SUPT3H: variants seen among roughly 807,000 people sequenced by gnomAD.
SUPT3H encodes the protein transcription initiation protein SPT3 homolog.
A neutral mutation model predicts 44.3 loss-of-function variants in SUPT3H; 44 were observed. The observed-to-expected ratio is 0.99, with a 90% confidence interval of 0.78 to 1.28. The LOEUF (loss-of-function observed/expected upper bound fraction) is 1.28, where lower values mean the gene tolerates loss of function less well. Among genes scored for constraint, SUPT3H ranks in the 50% most tolerant of loss-of-function variants. SUPT3H has a pLI of 0.00. For missense variants in SUPT3H, 380 were observed against 387.1 expected (o/e 0.98, Z 0.15); for synonymous variants, 124 against 125.6 (o/e 0.99, Z 0.09).
intron 10 of SUPT3H, among the ~76,000 whole-genome samples, chr6:44,870,428 C>T (rs544269197): frequency 6.6e-6 from 1 of 151,998 alleles, no homozygotes; most frequent in South Asian, 2.1e-4. Flanking sequence ...GAAACTCCAT[C>T]TCTACGAAAA....
chr6:45,104,809 T>C (rs1161427094), intron 3 of SUPT3H, among the ~76,000 whole-genome samples: 1 of 152,016 alleles, frequency 6.6e-6, no homozygotes, highest in Non-Finnish European at 1.5e-5. Context: ...GATATCCCCA[T>C]TCATAGAATG....
rs554676111 is a variant in SUPT3H, at chr6:45,176,985, A to G, written c.102-70979T>C. 2.6e-5 allele frequency among the ~76,000 whole-genome samples: 4 copies of G among 152,302 alleles called. No individual in the cohort carries two copies. In the East Asian group the frequency reaches 7.7e-4, roughly 29 times the overall value. The stretch of plus-strand genomic sequence containing the variant: ...AGATGGGGAAAAAACAGAGCAGAAA[A>G]ACTGGAAACTCTAAAAAACAGAGTG... On this transcript the variant is annotated intron_variant, in intron 2 of 10. Coordinates refer to ENST00000371459, the MANE Select transcript of SUPT3H (RefSeq NM_003599.4).
At chr6:45,283,093 C>T (rs575957099) in intron 2 of SUPT3H, among the ~76,000 whole-genome samples, 1 of 152,122 alleles carries the variant, frequency 6.6e-6, no homozygotes, top group Non-Finnish European at 1.5e-5. Context: ...AAGCACTAAA[C>T]ATGGAAAGGA....
At chr6:45,351,360 G>A (rs902325700) in intron 2 of SUPT3H, among the ~76,000 whole-genome samples, 14 of 151,972 alleles carry the variant, frequency 9.2e-5, no homozygotes, top group African/African-American at 2.9e-4. Flanking sequence ...GCATACTTAC[G>A]TACCAGGCAC....
chr6:45,061,683 T>A (rs771412792), intron 3 of SUPT3H, among the ~76,000 whole-genome samples: 1 of 151,954 alleles, frequency 6.6e-6, no homozygotes, highest in Non-Finnish European at 1.5e-5. Flanking sequence ...AGATTGATAA[T>A]CTTTATTATA....
intron 2 of SUPT3H, among the ~76,000 whole-genome samples, chr6:45,131,509 C>A (rs189316134): frequency 6.6e-6 from 1 of 152,202 alleles, no homozygotes; most frequent in Admixed American, 6.5e-5. Context: ...AACCACTGTA[C>A]CTCAAGTATA....
At chr6:45,285,727 G>A (rs1779119322) in intron 2 of SUPT3H, among the ~76,000 whole-genome samples, 1 of 151,996 alleles carries the variant, frequency 6.6e-6, no homozygotes, top group Non-Finnish European at 1.5e-5. Context: ...TTTCTTCACA[G>A]AATTGGAAAA....
intron 9 of SUPT3H, among the ~76,000 whole-genome samples, chr6:44,945,822 C>G (rs1562105025): frequency 6.6e-6 from 1 of 152,084 alleles, no homozygotes; most frequent in African/African-American, 2.4e-5. Context: ...AAGCTAAGAT[C>G]AATGATGAAG....
chr6:45,273,832 G>C (rs181412823), intron 2 of SUPT3H, among the ~76,000 whole-genome samples: 39 of 152,130 alleles, frequency 2.6e-4, no homozygotes, highest in African/African-American at 8.9e-4. Context: ...GCTTCACTAG[G>C]AGTGAATCTG....
chr6:45,179,426 A>T (rs983635630), intron 2 of SUPT3H, among the ~76,000 whole-genome samples: 1 of 152,214 alleles, frequency 6.6e-6, no homozygotes, highest in Admixed American at 6.5e-5. Flanking sequence ...ACACAACCAA[A>T]TAGGAGAATT....
At chr6:44,876,851 GAA>G in intron 10 of SUPT3H, among the ~76,000 whole-genome samples, 1 of 104,460 alleles carries the variant, frequency 9.6e-6, no homozygotes, top group South Asian at 3.2e-4. Context: ...AAAAAAAAAA[GAA>G]AAAGAAAAAA....
intron 3 of SUPT3H, among the ~76,000 whole-genome samples, chr6:45,036,482 A>G (rs574194533): frequency 6.6e-6 from 1 of 152,296 alleles, no homozygotes; most frequent in South Asian, 2.1e-4. Context: ...GTGAAATTTC[A>G]AAATTCTGAT....
At chr6:45,226,978 CAG>C (rs1195321882) in intron 2 of SUPT3H, among the ~76,000 whole-genome samples, 1 of 151,250 alleles carries the variant, frequency 6.6e-6, no homozygotes, top group Admixed American at 6.6e-5. Context: ...GCCTGAATGA[CAG>C]AGTGAGACCA....
chr6:45,255,668 C>T (rs1255128138), intron 2 of SUPT3H, among the ~76,000 whole-genome samples: 1 of 151,968 alleles, frequency 6.6e-6, no homozygotes, highest in East Asian at 1.9e-4. Flanking sequence ...GGTGATCCTC[C>T]CGCATCACCC....
At chr6:44,856,411 C>T (rs566740748) in intron 10 of SUPT3H, among the ~76,000 whole-genome samples, 1 of 152,098 alleles carries the variant, frequency 6.6e-6, no homozygotes, top group Non-Finnish European at 1.5e-5. Flanking sequence ...TACTCAAGAT[C>T]ATTAGACATG....
intron 3 of SUPT3H, among the ~76,000 whole-genome samples, chr6:45,093,964 A>G (rs1246879089): frequency 1.3e-5 from 2 of 152,158 alleles, no homozygotes; most frequent in Non-Finnish European, 2.9e-5. Context: ...GCCATCAGAA[A>G]TCATGACAAT....
chr6:45,104,304 A>G (rs1364716053), intron 3 of SUPT3H, among the ~76,000 whole-genome samples: 1 of 152,140 alleles, frequency 6.6e-6, no homozygotes. Flanking sequence ...ATACCACTAA[A>G]GAGTAAATAT....
At chr6:44,882,870 T>A (rs996214506) in intron 10 of SUPT3H, among the ~76,000 whole-genome samples, 1 of 152,216 alleles carries the variant, frequency 6.6e-6, no homozygotes, top group Non-Finnish European at 1.5e-5. Flanking sequence ...AAACTAGGTA[T>A]TGATGGAACG....
intron 2 of SUPT3H, among the ~76,000 whole-genome samples, chr6:45,244,881 G>A (rs1771061322): frequency 6.6e-6 from 1 of 152,028 alleles, no homozygotes; most frequent in Non-Finnish European, 1.5e-5. Context: ...TAATATAGAT[G>A]TCTTATAAAT....
Sources: allele counts gnomAD v4.1 joint callset (sites outside exome capture counted in the v4.1 genomes callset), GRCh38; gene constraint gnomAD v4.1.1; transcripts MANE v1.5; gene names NCBI Gene and HGNC (gene_info 2026-07-23, HGNC 2026-07-21).